C10orf143: variants seen among roughly 807,000 people sequenced by gnomAD.
The protein encoded by C10orf143 is uncharacterized protein C10orf143.
At chr10:130,070,749 G>A (rs1331871561) in intron 3 of C10orf143, among the ~76,000 whole-genome samples, 2 of 151,950 alleles carry the variant, frequency 1.3e-5, no homozygotes, top group African/African-American at 4.8e-5. Flanking sequence ...ATCATTCTAC[G>A]TAGATCCTTC....
At chr10:130,095,321 T>C (rs1861445099) in intron 1 of C10orf143, among the ~76,000 whole-genome samples, 1 of 152,178 alleles carries the variant, frequency 6.6e-6, no homozygotes, top group South Asian at 2.1e-4. Flanking sequence ...AAACATTCCA[T>C]GCTCATGGAA....
rs1256311252 is a variant in C10orf143, at chr10:130,070,837, C to T, written c.298-6454G>A. ...AACACTTCATTGAGTAAATCTATTG[C>T]AATTCATTTATTCATTCTATTGATG... On this transcript the variant is annotated intron_variant, in intron 3 of 3. Transcript: ENST00000637128. Among the ~76,000 whole-genome samples, 5 of 152,178 alleles carry T rather than the reference C, an allele frequency of 3.3e-5. No homozygotes were observed. In the East Asian group the frequency reaches 7.7e-4, roughly 23 times the overall value.
intron 3 of C10orf143, among the ~76,000 whole-genome samples, chr10:130,046,212 G>GGGGCGGAGC (rs1860670315): frequency 6.6e-6 from 1 of 151,688 alleles, no homozygotes; most frequent in African/African-American, 2.4e-5. Context: ...GGCGCGGAGT[G>GGGGCGGAGC]GGGTGGAGCG....
At chr10:130,090,897 A>C (rs897236363) in intron 1 of C10orf143, among the ~76,000 whole-genome samples, 1 of 152,198 alleles carries the variant, frequency 6.6e-6, no homozygotes, top group African/African-American at 2.4e-5. Context: ...GGCATCTCTA[A>C]AAGAAAGGCA....
At chr10:130,092,432 G>T (rs967900016) in intron 1 of C10orf143, among the ~76,000 whole-genome samples, 3 of 152,108 alleles carry the variant, frequency 2.0e-5, no homozygotes, top group Non-Finnish European at 4.4e-5. Flanking sequence ...AATATGGAAA[G>T]GAAAAACTGG....
chr10:130,079,551 G>T lies in C10orf143; in HGVS notation c.297+15C>A. 2.5e-6 allele frequency: 1 copy of T among 399,022 alleles called. No homozygotes were observed. The highest frequency in any genetic ancestry group is 4.4e-6 in the Non-Finnish European group (1 of 226,070). 24.7% of individuals were successfully genotyped at this position (399,022 alleles called of 1,614,324 possible). A position where few individuals can be genotyped will look rare whatever the true frequency, so the allele number is the denominator to read the frequency against. On this transcript the variant is annotated intron_variant, in intron 3 of 3. Coordinates refer to ENST00000637128, the MANE Select transcript of C10orf143 (RefSeq NM_001355042.2). ...TCTATCTTTTATGTCACAGCAAGAAGGTTAATGCACTTACAGATTCCCCTG... is the reference window on the plus strand; with the variant it reads ...TCTATCTTTTATGTCACAGCAAGAATGTTAATGCACTTACAGATTCCCCTG...
At chr10:130,048,755 T>A (rs1237807171) in intron 3 of C10orf143, among the ~76,000 whole-genome samples, 1 of 151,922 alleles carries the variant, frequency 6.6e-6, no homozygotes. Context: ...CAGGCTGGAG[T>A]GGAGTGGTAT....
chr10:130,101,764 G>A (rs1861554496), intron 1 of C10orf143, among the ~76,000 whole-genome samples: 1 of 143,232 alleles, frequency 7.0e-6, no homozygotes, highest in Admixed American at 7.3e-5. Flanking sequence ...GGAGGCTGAG[G>A]CAGGAGAATC....
intron 3 of C10orf143, chr10:130,066,573 C>T (rs1163818637): frequency 3.3e-5 from 5 of 152,236 alleles, no homozygotes; most frequent in African/African-American, 7.2e-5. Flanking sequence ...CTCAAGCCCC[C>T]GCACCATTCT....
At chr10:130,085,695 T>C (rs1861280458) in intron 1 of C10orf143, among the ~76,000 whole-genome samples, 2 of 152,206 alleles carry the variant, frequency 1.3e-5, no homozygotes, top group Admixed American at 1.3e-4. Context: ...ATTAACAAGC[T>C]TAAGTGAAGG....
intron 1 of C10orf143, chr10:130,107,357 G>A: frequency 1.9e-6 from 2 of 1,080,238 alleles, no homozygotes; most frequent in Non-Finnish European, 2.9e-6. Flanking sequence ...AGATCTTGAA[G>A]AAGAATTGGA....
intron 3 of C10orf143, among the ~76,000 whole-genome samples, chr10:130,047,368 T>C (rs985225221): frequency 5.2e-4 from 79 of 152,296 alleles, no homozygotes; most frequent in Admixed American, 5.1e-3. Flanking sequence ...GCTCCCTCGC[T>C]CTCTCTCAGC....
At chr10:130,103,174 C>T (rs1385379739) in intron 1 of C10orf143, among the ~76,000 whole-genome samples, 1 of 152,094 alleles carries the variant, frequency 6.6e-6, no homozygotes, top group Non-Finnish European at 1.5e-5. Context: ...GACGGGGTTT[C>T]TCCATGTTGG....
chr10:130,108,554 G>A (rs1861704450), intron 1 of C10orf143: 5 of 604,028 alleles, frequency 8.3e-6, no homozygotes, highest in South Asian at 2.0e-5. Flanking sequence ...GAAACTTAAT[G>A]GAATTATAAT....
chr10:130,036,424 A>T (rs943700768), intron 3 of C10orf143, among the ~76,000 whole-genome samples: 1 of 151,990 alleles, frequency 6.6e-6, no homozygotes, highest in Admixed American at 6.5e-5. Flanking sequence ...AGGGGAGGAG[A>T]TGGTTCTTCA....
chr10:130,060,621 A>G (rs1171252437), downstream of C10orf143, among the ~76,000 whole-genome samples: 2 of 149,038 alleles, frequency 1.3e-5, no homozygotes, highest in South Asian at 2.1e-4. Flanking sequence ...CAGGAGATCG[A>G]GACCATCCTG....
intron 1 of C10orf143, among the ~76,000 whole-genome samples, chr10:130,081,121 A>C (rs895311005): frequency 1.3e-5 from 2 of 152,240 alleles, no homozygotes; most frequent in African/African-American, 4.8e-5. Context: ...TGATTCTGAA[A>C]GGCTAAAAAT....
intron 3 of C10orf143, among the ~76,000 whole-genome samples, chr10:130,043,623 ACC>A (rs1178881915): frequency 6.6e-6 from 1 of 152,126 alleles, no homozygotes; most frequent in Non-Finnish European, 1.5e-5. Flanking sequence ...GGGGGAACAA[ACC>A]CCATAAGCAC....
At chr10:130,092,153 G>C (rs1168535147) in intron 1 of C10orf143, among the ~76,000 whole-genome samples, 1 of 152,116 alleles carries the variant, frequency 6.6e-6, no homozygotes, top group African/African-American at 2.4e-5. Flanking sequence ...AAATGTTAAG[G>C]GCAGCCAGAG....
Sources: allele counts gnomAD v4.1 joint callset (sites outside exome capture counted in the v4.1 genomes callset), GRCh38; gene constraint gnomAD v4.1.1; transcripts MANE v1.5; gene names NCBI Gene and HGNC (gene_info 2026-07-23, HGNC 2026-07-21).